The following TMEM132B variants were observed in gnomAD, a reference collection of about 807,000 sequenced individuals.
The protein encoded by TMEM132B is transmembrane protein 132B.
TMEM132B carries 18 observed loss-of-function variants against 90.8 expected under a neutral mutation model. That is an observed-to-expected ratio of 0.20 (90% CI 0.14 to 0.29). The LOEUF (loss-of-function observed/expected upper bound fraction) is 0.29. Among genes scored for constraint, TMEM132B ranks in the 10% least tolerant of loss-of-function variants. TMEM132B has a pLI of 1.00. For synonymous variants in TMEM132B, 504 were observed against 523.3 expected (o/e 0.96, Z 0.50); for missense variants, 1,096 against 1,326.8 (o/e 0.83, Z 2.70).
intron 2 of TMEM132B, among the ~76,000 whole-genome samples, chr12:125,394,996 G>A (rs1879130959): frequency 2.0e-5 from 3 of 152,152 alleles, no homozygotes; most frequent in Admixed American, 1.3e-4. Flanking sequence ...ATTATGCAAT[G>A]TACCCATGTG....
At chr12:125,310,856 T>C (rs1421093142) in intron 1 of TMEM132B, among the ~76,000 whole-genome samples, 1 of 152,214 alleles carries the variant, frequency 6.6e-6, no homozygotes. Context: ...GAAACAGTTT[T>C]AGGATGTCTC....
At chr12:125,611,162 C>G (rs534206472) in intron 5 of TMEM132B, among the ~76,000 whole-genome samples, 1 of 152,098 alleles carries the variant, frequency 6.6e-6, no homozygotes, top group East Asian at 1.9e-4. Flanking sequence ...ACCATTTCCT[C>G]TTAGGTTACG....
rs142590706 is a variant in TMEM132B at position 125,406,082 on chromosome 12, C to T, written c.960-9449C>T. On this transcript the variant is annotated intron_variant, in intron 2 of 8. Coordinates refer to ENST00000682704, the MANE Select transcript of TMEM132B (RefSeq NM_001366854.1). The surrounding 1 kb of genome is among the most constrained non-coding windows in gnomAD (Gnocchi z 8.3). ...ACTAATGAAGAACTAAGTTCTTCCA[C>T]TGTGGGCTGTTTGGTTAACTCAAAC... 1.1e-3 allele frequency among the ~76,000 whole-genome samples: 172 copies of T among 152,294 alleles called. 1 individual carries two copies. Among genetic ancestry groups the T allele is most frequent in the African/African-American group, 3.9e-3 (164 of 41,558 alleles).
At chr12:125,435,224 A>C (rs1880666127) in intron 3 of TMEM132B, among the ~76,000 whole-genome samples, 1 of 152,170 alleles carries the variant, frequency 6.6e-6, no homozygotes, top group Non-Finnish European at 1.5e-5. Context: ...GGAAAACCCC[A>C]CTTGCTCTTC....
At chr12:125,366,850 AT>A (rs1343263359) in intron 2 of TMEM132B, among the ~76,000 whole-genome samples, 1 of 151,992 alleles carries the variant, frequency 6.6e-6, no homozygotes, top group Non-Finnish European at 1.5e-5. Context: ...GTCTCTGTTC[AT>A]TTTCTTCAGT....
intron 2 of TMEM132B, among the ~76,000 whole-genome samples, chr12:125,377,499 AC>A (rs1330030127): frequency 1.3e-5 from 2 of 151,998 alleles, no homozygotes; most frequent in African/African-American, 4.8e-5. Flanking sequence ...GTGCCTCAGT[AC>A]CCCCTGCTAT....
chr12:125,498,361 G>A lies in TMEM132B; in HGVS notation c.1107-21078G>A, dbSNP rs1882611366. 6.6e-6 allele frequency among the ~76,000 whole-genome samples: 1 copy of A among 152,196 alleles called. No individual in the cohort carries two copies. The highest frequency in any genetic ancestry group is 6.5e-5 in the Admixed American group (1 of 15,286). The stretch of plus-strand genomic sequence containing the variant: ...AATCACTGTGTGTATGTGGATGGTG[G>A]GTGAGGGTGTGGAGAAAATCACACA... On this transcript the variant is annotated intron_variant, in intron 3 of 8. Transcript: ENST00000682704. The surrounding 1 kb of genome is among the most constrained non-coding windows in gnomAD (Gnocchi z 4.5).
At chr12:125,397,358 C>T (rs1182565173) in intron 2 of TMEM132B, among the ~76,000 whole-genome samples, 1 of 152,148 alleles carries the variant, frequency 6.6e-6, no homozygotes, top group Non-Finnish European at 1.5e-5. Flanking sequence ...GCAAATAGAC[C>T]TTAAATTAAA....
intron 3 of TMEM132B, among the ~76,000 whole-genome samples, chr12:125,462,983 A>G (rs966936251): frequency 8.5e-5 from 13 of 152,248 alleles, no homozygotes; most frequent in East Asian, 5.8e-4. Context: ...GGTTTCCTCT[A>G]GAAAGCTAAC....
chr12:125,429,166 T>C (rs1240525552), intron 3 of TMEM132B, among the ~76,000 whole-genome samples: 2 of 152,044 alleles, frequency 1.3e-5, no homozygotes, highest in Non-Finnish European at 2.9e-5. Context: ...GTCCATAGTT[T>C]ATTCAAATTT....
intron 2 of TMEM132B, among the ~76,000 whole-genome samples, chr12:125,382,814 G>A (rs972863323): frequency 1.3e-5 from 2 of 152,134 alleles, no homozygotes; most frequent in African/African-American, 4.8e-5. Flanking sequence ...AGTTGTGGGT[G>A]TTTTGCTTCT....
intron 1 of TMEM132B, among the ~76,000 whole-genome samples, chr12:125,290,709 TG>T (rs1282700472): frequency 6.6e-6 from 1 of 152,216 alleles, no homozygotes; most frequent in African/African-American, 2.4e-5. Context: ...CTCCTGCTGA[TG>T]GGCATTTAGG....
At chr12:125,606,253 C>G (rs940299508) in intron 5 of TMEM132B, among the ~76,000 whole-genome samples, 2 of 149,688 alleles carry the variant, frequency 1.3e-5, no homozygotes, top group Admixed American at 1.3e-4. Context: ...GGTGAAGACT[C>G]TTTTTATTGT....
intron 4 of TMEM132B, among the ~76,000 whole-genome samples, chr12:125,555,245 C>T (rs1884344245): frequency 6.6e-6 from 1 of 151,982 alleles, no homozygotes; most frequent in African/African-American, 2.4e-5. Context: ...TGGAACCTTG[C>T]AAAATGAGGG....
At chr12:125,565,802 A>G (rs1884645415) in intron 4 of TMEM132B, among the ~76,000 whole-genome samples, 1 of 152,302 alleles carries the variant, frequency 6.6e-6, no homozygotes, top group East Asian at 1.9e-4. Context: ...TTTGGGGTTT[A>G]TATGAGTACA....
intron 3 of TMEM132B, among the ~76,000 whole-genome samples, chr12:125,446,494 G>T (rs1881009092): frequency 6.6e-6 from 1 of 152,104 alleles, no homozygotes; most frequent in Admixed American, 6.5e-5. Context: ...AAAAAAGTTG[G>T]ATTTGAATCC....
intron 3 of TMEM132B, among the ~76,000 whole-genome samples, chr12:125,448,089 C>G (rs1318912734): frequency 6.6e-6 from 1 of 152,082 alleles, no homozygotes; most frequent in African/African-American, 2.4e-5. Flanking sequence ...AAAGGTGAAA[C>G]CCCATCTCTA....
chr12:125,608,658 A>G (rs971856258), intron 5 of TMEM132B, among the ~76,000 whole-genome samples: 2 of 152,236 alleles, frequency 1.3e-5, no homozygotes, highest in Non-Finnish European at 2.9e-5. Context: ...ATCAAAAGTC[A>G]TAAAGTTTTC....
chr12:125,651,275 T>G, intron 7 of TMEM132B, among the ~76,000 whole-genome samples: 1 of 152,244 alleles, frequency 6.6e-6, no homozygotes, highest in South Asian at 2.1e-4. Flanking sequence ...CTCCATTTTG[T>G]GTATCACCAA....
Sources: gnomAD v4.1 joint callset for allele counts (sites outside exome capture counted in the v4.1 genomes callset) on GRCh38, gnomAD v4.1.1 for gene constraint, Gnocchi (gnomAD v3.1) non-coding constraint, MANE v1.5 for transcripts, NCBI Gene and HGNC (gene_info 2026-07-23, HGNC 2026-07-21) for gene names.